The following PKNOX2 variants were observed in gnomAD, a reference collection of about 807,000 sequenced individuals.
PKNOX2 encodes PBX/knotted 1 homeobox 2, also known as homeobox protein PKNOX2.
Under a neutral mutation model 53.1 loss-of-function variants are expected in PKNOX2, and 14 were observed. The observed-to-expected ratio is 0.26, with a 90% CI of 0.17 to 0.41. PKNOX2 has a LOEUF of 0.41. Ranked by LOEUF, PKNOX2 falls within the 10% of genes least tolerant of loss-of-function variation. The probability of loss-of-function intolerance (pLI) is 1.00; values close to 1 mark genes in which losing one functional copy is unlikely to be tolerated. For synonymous variants in PKNOX2, 257 were observed against 242.8 expected (o/e 1.06, Z -0.54); for missense variants, 496 against 602.8 (o/e 0.82, Z 1.85).
intron 3 of PKNOX2, among the ~76,000 whole-genome samples, chr11:125,343,713 C>G (rs759788914): frequency 6.6e-6 from 1 of 152,136 alleles, no homozygotes; most frequent in Non-Finnish European, 1.5e-5. Flanking sequence ...GGTGTGACAG[C>G]GAGGCAGGGA....
At chr11:125,270,374 A>G (rs2135787053) in intron 2 of PKNOX2, among the ~76,000 whole-genome samples, 1 of 152,284 alleles carries the variant, frequency 6.6e-6, no homozygotes. Flanking sequence ...GGTGTCTTGC[A>G]CTGCTGATCC....
intron 1 of PKNOX2, among the ~76,000 whole-genome samples, chr11:125,184,898 G>A (rs966962581): frequency 2.6e-5 from 4 of 152,150 alleles, no homozygotes; most frequent in Admixed American, 1.3e-4. Context: ...AACAAACCAC[G>A]AAGAAAGACA....
intron 10 of PKNOX2, among the ~76,000 whole-genome samples, chr11:125,424,290 A>G (rs1472674974): frequency 2.6e-5 from 4 of 152,200 alleles, no homozygotes; most frequent in African/African-American, 9.6e-5. Flanking sequence ...AACAAGGGCA[A>G]TGACTACAGA....
intron 5 of PKNOX2, among the ~76,000 whole-genome samples, chr11:125,368,369 C>G (rs1952310777): frequency 6.6e-6 from 1 of 152,196 alleles, no homozygotes; most frequent in Non-Finnish European, 1.5e-5. Context: ...CTGACCGCAC[C>G]CTCTAGAACT....
chr11:125,389,439 C>T (rs763899535), intron 6 of PKNOX2, among the ~76,000 whole-genome samples: 45 of 152,160 alleles, frequency 3.0e-4, no homozygotes, highest in Admixed American at 7.9e-4. Context: ...CCAGGGGACG[C>T]GGGTGGCTTT....
intron 7 of PKNOX2, 98 bp downstream of exon 7, chr11:125,398,160 T>C (rs1954525083): frequency 7.0e-6 from 9 of 1,293,180 alleles, no homozygotes; most frequent in Non-Finnish European, 9.5e-6. Flanking sequence ...CTTCACTGGG[T>C]TAGACCCACT....
At chr11:125,273,325 G>T (rs1056353513) in intron 2 of PKNOX2, among the ~76,000 whole-genome samples, 2 of 152,226 alleles carry the variant, frequency 1.3e-5, no homozygotes, top group African/African-American at 4.8e-5. Context: ...AGCTGAAAAG[G>T]CAGGCGGCAA....
At chr11:125,246,342 C>A (rs530906851) in intron 2 of PKNOX2, among the ~76,000 whole-genome samples, 5 of 152,208 alleles carry the variant, frequency 3.3e-5, no homozygotes, top group Non-Finnish European at 7.3e-5. Flanking sequence ...CAAACCCACT[C>A]CCGTGATAAA....
chr11:125,307,289 T>C (rs1038041849), intron 2 of PKNOX2, among the ~76,000 whole-genome samples: 1 of 152,076 alleles, frequency 6.6e-6, no homozygotes, highest in Admixed American at 6.6e-5. Context: ...ACATTAACAA[T>C]AAAGGGAGCC....
rs77185889 is a variant in PKNOX2 at position 125,354,152 on chromosome 11, C to T, written c.87+2760C>T. Among the ~76,000 whole-genome samples the T allele has an allele frequency of 5.2e-3, 798 of 152,258 alleles. 39 individuals are homozygous for T. The East Asian group carries it at 0.11, about 22-fold the overall frequency. On this transcript the variant is annotated intron_variant, in intron 4 of 12. Coordinates refer to ENST00000298282, the MANE Select transcript of PKNOX2 (RefSeq NM_001382323.2). Reference sequence around the variant, plus strand: ...CCCTGACTTCTTCCCTTTATCTTTTCGAGATATGGACCCCAGCTTCCTAGG... The same window carrying T: ...CCCTGACTTCTTCCCTTTATCTTTTTGAGATATGGACCCCAGCTTCCTAGG...
chr11:125,409,108 C>G (rs1955308024), intron 7 of PKNOX2, among the ~76,000 whole-genome samples: 1 of 152,174 alleles, frequency 6.6e-6, no homozygotes, highest in Non-Finnish European at 1.5e-5. Flanking sequence ...AGGCAGGCCT[C>G]CTGAGGCTCC....
intron 2 of PKNOX2, among the ~76,000 whole-genome samples, chr11:125,295,944 G>A (rs1170092221): frequency 6.6e-6 from 1 of 152,128 alleles, no homozygotes; most frequent in Non-Finnish European, 1.5e-5. Flanking sequence ...CACGTGGAAG[G>A]CAGCCTTTCC....
intron 6 of PKNOX2, among the ~76,000 whole-genome samples, chr11:125,390,152 A>G (rs117260088): frequency 6.6e-6 from 1 of 152,370 alleles, no homozygotes; most frequent in East Asian, 1.9e-4. Context: ...ATGAACATTT[A>G]TAGAGCACTT....
chr11:125,354,271 G>A (rs898277111), intron 4 of PKNOX2, among the ~76,000 whole-genome samples: 8 of 152,296 alleles, frequency 5.3e-5, no homozygotes, highest in East Asian at 1.9e-4. Flanking sequence ...GGACCTGATG[G>A]GAACATGGGC....
chr11:125,250,490 A>G (rs1193885325), intron 2 of PKNOX2, among the ~76,000 whole-genome samples: 4 of 152,140 alleles, frequency 2.6e-5, no homozygotes, highest in African/African-American at 9.7e-5. Flanking sequence ...TTTTAGAGAC[A>G]GGCAGACTTC....
intron 2 of PKNOX2, among the ~76,000 whole-genome samples, chr11:125,259,975 C>T (rs923494835): frequency 1.3e-5 from 2 of 151,826 alleles, no homozygotes; most frequent in African/African-American, 2.4e-5. Context: ...CTCCTGGGCT[C>T]AAGCGATCCT....
chr11:125,388,993 G>A (rs370223429), intron 6 of PKNOX2, among the ~76,000 whole-genome samples: 10 of 152,180 alleles, frequency 6.6e-5, no homozygotes, highest in African/African-American at 1.7e-4. Context: ...CTAGGAGTTC[G>A]AGACCAGCCT....
At chr11:125,315,009 G>T (rs889446680) in intron 2 of PKNOX2, among the ~76,000 whole-genome samples, 2 of 152,104 alleles carry the variant, frequency 1.3e-5, no homozygotes, top group African/African-American at 4.8e-5. Context: ...ACACCCCTCT[G>T]GTCTTCCCAA....
intron 4 of PKNOX2, among the ~76,000 whole-genome samples, chr11:125,360,207 G>C (rs1000185967): frequency 5.3e-5 from 8 of 152,118 alleles, no homozygotes; most frequent in Non-Finnish European, 7.4e-5. Flanking sequence ...TGAAGGCTTG[G>C]GTGTTCAGCG....
Sources: allele counts gnomAD v4.1 joint callset (sites outside exome capture counted in the v4.1 genomes callset), GRCh38; gene constraint gnomAD v4.1.1; transcripts MANE v1.5; gene names NCBI Gene and HGNC (gene_info 2026-07-23, HGNC 2026-07-21).